Variants in PTCH1 observed in about 807,000 individuals in gnomAD.
PTCH1 encodes patched 1, also known as protein patched homolog 1.
PTCH1 carries 14 observed loss-of-function variants against 144.6 expected under a neutral mutation model. That is an observed-to-expected ratio of 0.10 (90% CI 0.06 to 0.15). The LOEUF (loss-of-function observed/expected upper bound fraction) is 0.15. PTCH1 is among the 10% of genes least tolerant of loss of function. PTCH1 has a pLI of 1.00. For missense variants in PTCH1, 1,623 were observed against 1,948.3 expected, an observed-to-expected ratio of 0.83 and a Z score of 3.14; for synonymous variants, 833 against 793.6, an observed-to-expected ratio of 1.05 and a Z score of -0.83.
chr9:95,506,622 G>A (rs780346961), intron 1 of PTCH1, 23 bp from the exon 2 acceptor site: 8 of 1,578,650 alleles, frequency 5.1e-6, no homozygotes, highest in African/African-American at 1.4e-5. Context: ...CAGAAGGGAG[G>A]AGTGAGCGCC....
At position 95,470,263 on chromosome 9, in the gene PTCH1, T is replaced by G. The variant is rs150046066; in HGVS notation, c.1729-332A>C. On this transcript the variant is annotated intron_variant, in intron 12 of 23. Transcript: ENST00000331920. The stretch of plus-strand genomic sequence containing the variant: ...ACAGAGAGCACACTCGAGATAGAAT[T>G]TAAAACAAACAGAAGCAGTTCCCTT... Among the ~76,000 whole-genome samples, 34 of 152,302 alleles carry G rather than the reference T, an allele frequency of 2.2e-4. 1 individual carries two copies. In the East Asian group the frequency reaches 6.2e-3, roughly 28 times the overall value.
At position 95,449,509 on chromosome 9, in the gene PTCH1, G is replaced by T. The variant is rs2136605151; in HGVS notation, c.3550-186C>A. Reference sequence around the variant, plus strand: ...TTCAGGTCCCGCAGCTGGAGCAGAAGAACTGTCCTCTGCTCCACACTGGAA... The same window carrying T: ...TTCAGGTCCCGCAGCTGGAGCAGAATAACTGTCCTCTGCTCCACACTGGAA... On this transcript the variant is annotated intron_variant, in intron 21 of 23. Coordinates refer to ENST00000331920, the MANE Select transcript of PTCH1 (RefSeq NM_000264.5). This position sits in a 1 kb window ranked among gnomAD's most constrained non-coding sequence, Gnocchi z 5.3. 2.5e-6 allele frequency: 2 copies of T among 800,858 alleles called. No homozygotes were observed. Among genetic ancestry groups the T allele is most frequent in the East Asian group, 2.7e-5 (1 of 37,504 alleles). The allele number at this position is 800,858 out of a possible 1,614,324, so 49.6% of individuals were successfully genotyped here.
chr9:95,500,061 C>T (rs980345755), intron 2 of PTCH1, among the ~76,000 whole-genome samples: 5 of 152,158 alleles, frequency 3.3e-5, no homozygotes. Flanking sequence ...ATTGTGGAAA[C>T]CAGACAAATC....
rs55787302 is a variant in PTCH1 at position 95,459,418 on chromosome 9, G to A, written c.2887+182C>T. ...CACTGATTTCCCAATGTGATAGAGT[G>A]CGGGGGTTGTATCCCATTACACATC... On this transcript the variant is annotated intron_variant, in intron 17 of 23. Coordinates refer to ENST00000331920, the MANE Select transcript of PTCH1 (RefSeq NM_000264.5). Among the ~76,000 whole-genome samples the A allele has an allele frequency of 4.8e-3, 727 of 152,322 alleles. 12 individuals carry two copies. Among genetic ancestry groups the A allele is most frequent in the East Asian group, 0.031 (161 of 5,176 alleles).
At chr9:95,506,030 C>T (rs1327795229) in intron 2 of PTCH1, among the ~76,000 whole-genome samples, 1 of 147,928 alleles carries the variant, frequency 6.8e-6, no homozygotes, top group African/African-American at 2.4e-5. Context: ...AGCCGGGCCG[C>T]GGAGCGGGGC....
At chr9:95,454,297 G>A (rs763049258) in intron 19 of PTCH1, among the ~76,000 whole-genome samples, 1 of 152,160 alleles carries the variant, frequency 6.6e-6, no homozygotes, top group East Asian at 1.9e-4. Context: ...TGGCCTGAAC[G>A]TGTGACCCCT....
chr9:95,459,230 G>A (rs1448541496), intron 17 of PTCH1, among the ~76,000 whole-genome samples: 4 of 152,182 alleles, frequency 2.6e-5, no homozygotes, highest in Non-Finnish European at 4.4e-5. Context: ...CAACACCAGA[G>A]TTGACAAAGT....
chr9:95,474,164 ATGAG>A (rs1840831396), intron 12 of PTCH1: 1 of 425,736 alleles, frequency 2.3e-6, no homozygotes, highest in Non-Finnish European at 4.7e-6. Context: ...AGAGGAGAGA[ATGAG>A]AGAGAAAAGA....
chr9:95,497,519 G>T (rs759573123), intron 2 of PTCH1, among the ~76,000 whole-genome samples: 1 of 152,180 alleles, frequency 6.6e-6, no homozygotes, highest in Non-Finnish European at 1.5e-5. Context: ...GCACCCACCC[G>T]GGAGGGCTTC....
intron 19 of PTCH1, among the ~76,000 whole-genome samples, chr9:95,456,050 C>T (rs1228146659): frequency 6.6e-6 from 1 of 152,212 alleles, no homozygotes; most frequent in African/African-American, 2.4e-5. Context: ...GCACTGCCTA[C>T]GGCTGACAGG....
intron 5 of PTCH1, among the ~76,000 whole-genome samples, chr9:95,480,956 G>C (rs1471263166): frequency 6.6e-6 from 1 of 151,454 alleles, no homozygotes; most frequent in Non-Finnish European, 1.5e-5. Flanking sequence ...ATTAGCACTT[G>C]GCAGCCAAAT....
At position 95,480,597 on chromosome 9, in the gene PTCH1, G is replaced by C; in HGVS notation, c.747-9C>G. 3 of 1,610,350 alleles carry C rather than the reference G, an allele frequency of 1.9e-6. No individual in the cohort carries two copies. The highest frequency in any genetic ancestry group is 1.7e-6 in the Non-Finnish European group (2 of 1,176,808). On this transcript the variant is annotated splice_polypyrimidine_tract_variant and intron_variant, in intron 5 of 23. Coordinates refer to ENST00000331920, the MANE Select transcript of PTCH1 (RefSeq NM_000264.5). Reference sequence around the variant, plus strand: ...GCAAAGGAGGTTTACCTCTGCAAAAGAAATTAGGAGACGAGACCATGAAAA... The same window carrying C: ...GCAAAGGAGGTTTACCTCTGCAAAACAAATTAGGAGACGAGACCATGAAAA...
chr9:95,454,807 CT>C (rs1838775190), intron 19 of PTCH1, among the ~76,000 whole-genome samples: 1 of 152,358 alleles, frequency 6.6e-6, no homozygotes, highest in South Asian at 2.1e-4. Context: ...TAACTGCCAA[CT>C]CTAAATGCAA....
intron 1 of PTCH1, 188 bp from the exon 2 acceptor site, chr9:95,506,787 G>T: frequency 9.2e-7 from 1 of 1,088,628 alleles, no homozygotes; most frequent in Non-Finnish European, 1.2e-6. Flanking sequence ...CGGTCATAAA[G>T]CCGGGCCGCA....
intron 3 of PTCH1, among the ~76,000 whole-genome samples, chr9:95,485,101 G>A (rs922622038): frequency 2.0e-5 from 3 of 152,042 alleles, no homozygotes; most frequent in Non-Finnish European, 2.9e-5. Context: ...AGCTCCTTGG[G>A]AAGCTGAGGC....
intron 2 of PTCH1, among the ~76,000 whole-genome samples, chr9:95,496,979 G>A (rs150391783): frequency 1.1e-3 from 169 of 152,254 alleles, no homozygotes; most frequent in African/African-American, 3.9e-3. Context: ...AGCGGTGGGA[G>A]GAGAAAGAGG....
rs372657547 is a variant in PTCH1 at position 95,479,964 on chromosome 9, C to A, written c.1067+5G>T. On this transcript the variant is annotated splice_donor_5th_base_variant and intron_variant, in intron 7 of 23. Transcript: ENST00000331920. ...GGCATAGATTGTCCTCGGGAGCTGG[C>A]TTACCTGACGAGTTTTCCAGTGCTG... 1 of 1,614,144 alleles carries A rather than the reference C, an allele frequency of 6.2e-7. No homozygotes were observed. The highest frequency in any genetic ancestry group is 8.5e-7 in the Non-Finnish European group (1 of 1,180,030).
chr9:95,508,774 T>G lies in PTCH1; in HGVS notation c.-413A>C, dbSNP rs1294852596. On this transcript the variant is annotated 5_prime_UTR_variant, in exon 1 of 24. Transcript: ENST00000331920. ...GCCCCCCGCCCCGCGCCGCGACCCCTTCACTGCAGAAAGAGCCAGCGAATC... is the reference window on the plus strand; with the variant it reads ...GCCCCCCGCCCCGCGCCGCGACCCCGTCACTGCAGAAAGAGCCAGCGAATC... 3 of 920,472 alleles carry G rather than the reference T, an allele frequency of 3.3e-6. No homozygotes were observed. The African/African-American group carries it at 5.5e-5, about 17-fold the overall frequency. The allele number at this position is 920,472 out of a possible 1,614,324, so 57.0% of individuals were successfully genotyped here.
rs1588536043 is a variant in PTCH1 at position 95,456,420 on chromosome 9, C to T, written c.3169-7G>A. 10 of 1,613,524 alleles carry T rather than the reference C, an allele frequency of 6.2e-6. No individual in the cohort carries two copies. Among genetic ancestry groups the T allele is most frequent in the Non-Finnish European group, 8.5e-6 (10 of 1,179,896 alleles). ...TCAGCGCCAGGACCATCACCTGGAGCAGGGCACACAGTGGTCAGTGGGCGG... is the reference window on the plus strand; with the variant it reads ...TCAGCGCCAGGACCATCACCTGGAGTAGGGCACACAGTGGTCAGTGGGCGG... On this transcript the variant is annotated splice_region_variant and splice_polypyrimidine_tract_variant and intron_variant, in intron 18 of 23. Transcript: ENST00000331920.
Sources: allele counts gnomAD v4.1 joint callset (sites outside exome capture counted in the v4.1 genomes callset), GRCh38; gene constraint gnomAD v4.1.1; non-coding constraint Gnocchi (gnomAD v3.1); transcripts MANE v1.5; gene names NCBI Gene and HGNC (gene_info 2026-07-23, HGNC 2026-07-21).